The following COG6 variants were observed in gnomAD, a reference collection of about 807,000 sequenced individuals.
COG6 encodes the protein conserved oligomeric Golgi complex subunit 6.
Under a neutral mutation model 88.8 loss-of-function variants are expected in COG6, and 74 were observed. The ratio of observed to expected loss-of-function variants is 0.83; its 90% confidence interval spans 0.69 to 1.01. The LOEUF (loss-of-function observed/expected upper bound fraction) is 1.01, where lower values mean the gene tolerates loss of function less well. Among genes scored for constraint, COG6 ranks in the 50% least tolerant of loss-of-function variants. COG6 has a pLI of 0.00. For synonymous variants in COG6, 286 were observed against 278.7 expected (o/e 1.03, Z -0.26); for missense variants, 800 against 797.9 (o/e 1.00, Z -0.03).
intron 13 of COG6, among the ~76,000 whole-genome samples, chr13:39,700,022 G>A (rs572526172): frequency 7.4e-4 from 113 of 151,832 alleles, no homozygotes; most frequent in Middle Eastern, 3.4e-3. Flanking sequence ...CTTATGAAAT[G>A]TATGCTCCTC....
At chr13:39,658,902 A>G (rs1222327439) in intron 1 of COG6, among the ~76,000 whole-genome samples, 1 of 152,220 alleles carries the variant, frequency 6.6e-6, no homozygotes. Flanking sequence ...TGCACATTAT[A>G]TATGTGTCAA....
chr13:39,735,968 A>C (rs1879721692), intron 18 of COG6, among the ~76,000 whole-genome samples: 1 of 151,944 alleles, frequency 6.6e-6, no homozygotes, highest in South Asian at 2.1e-4. Flanking sequence ...TTGATTATTA[A>C]AGGTCTTGAG....
intron 8 of COG6, chr13:39,682,511 T>C (rs553372437): frequency 5.0e-6 from 2 of 396,992 alleles, no homozygotes; most frequent in African/African-American, 2.1e-5. Flanking sequence ...CTCTTACTTA[T>C]ATAGAGGTTC....
At chr13:39,784,063 A>G (rs895006380) in intron 18 of COG6, among the ~76,000 whole-genome samples, 3 of 152,170 alleles carry the variant, frequency 2.0e-5, no homozygotes, top group Non-Finnish European at 4.4e-5. Flanking sequence ...GGCCGGCTCC[A>G]TCTGGTCACA....
In COG6 at chr13:39,767,513, G is replaced by T. The variant is rs536000493; in HGVS notation, c.1827-20822G>T. Among the ~76,000 whole-genome samples the T allele has an allele frequency of 4.6e-5, 7 of 152,274 alleles. No homozygotes were observed. The East Asian group carries it at 1.4e-3, about 29-fold the overall frequency. On this transcript the variant is annotated intron_variant, in intron 18 of 18. Coordinates refer to the COG6 transcript ENST00000416691. ...TGATGATTTTCGGAGTGGAAGTGGAGGTGGCAATGGCAGGAAACATTGTAG... is the reference window on the plus strand; with the variant it reads ...TGATGATTTTCGGAGTGGAAGTGGATGTGGCAATGGCAGGAAACATTGTAG...
At chr13:39,674,983 G>A (rs140015734) in intron 4 of COG6, among the ~76,000 whole-genome samples, 43 of 151,886 alleles carry the variant, frequency 2.8e-4, no homozygotes, top group African/African-American at 1.0e-3. Flanking sequence ...ATACTTTCTC[G>A]CAACTTTTTA....
intron 18 of COG6, among the ~76,000 whole-genome samples, chr13:39,734,018 G>A (rs1013052140): frequency 2.0e-5 from 3 of 152,008 alleles, no homozygotes; most frequent in African/African-American, 7.2e-5. Context: ...CTGGTTCTTA[G>A]TCTAGCTAAA....
chr13:39,719,702 G>GT lies in COG6; in HGVS notation c.1460dup (p.Ser488IlefsTer9). 1 of 1,612,828 alleles carries GT rather than the reference G, an allele frequency of 6.2e-7. No individual in the cohort carries two copies. Among genetic ancestry groups the GT allele is most frequent in the Non-Finnish European group, 8.5e-7 (1 of 1,179,176 alleles). Reference sequence around the variant, plus strand: ...GGATCCTCTCCTACAGATGTGTACTGTATCAGCCAGCAATTTAGGCACAGC... The same window carrying GT: ...GGATCCTCTCCTACAGATGTGTACTGTTATCAGCCAGCAATTTAGGCACAGC... On this transcript the variant is annotated frameshift_variant, in exon 15 of 19. Transcript: ENST00000455146. LOFTEE classifies it high-confidence loss of function.
chr13:39,789,564 C>CACCTGCTCCACCCTGACTGATTCCGATT (rs56924181), exon 19 of COG6: 1 of 149,522 alleles, frequency 6.7e-6, no homozygotes, highest in Non-Finnish European at 1.5e-5. Flanking sequence ...TCATTCCCAT[C>CACCTGCTCCACCCTGACTGATTCCGATT]ACCTGCTCCA....
At position 39,788,473 on chromosome 13, in the gene COG6, G is replaced by A. The variant is rs75438578; in HGVS notation, c.*117G>A. ...TATAGAAATGTGGCCAGATGGCTTT[G>A]TCATCTTCCCCTGTCTACTCTGTGA... On this transcript the variant is annotated 3_prime_UTR_variant, in exon 19 of 19. Transcript: ENST00000416691. 5.8e-5 allele frequency: 54 copies of A among 935,242 alleles called. No homozygotes were observed. The East Asian group carries it at 1.2e-3, about 20-fold the overall frequency. The allele number at this position is 935,242 out of a possible 1,614,324, so 57.9% of individuals were successfully genotyped here.
At chr13:39,786,577 T>C (rs1235706226) in intron 18 of COG6, among the ~76,000 whole-genome samples, 1 of 152,176 alleles carries the variant, frequency 6.6e-6, no homozygotes, top group Non-Finnish European at 1.5e-5. Flanking sequence ...GAGAAAATGG[T>C]ACTCACTTAT....
At chr13:39,686,167 A>G (rs564993444) in intron 8 of COG6, among the ~76,000 whole-genome samples, 5 of 152,350 alleles carry the variant, frequency 3.3e-5, no homozygotes, top group African/African-American at 9.6e-5. Context: ...TTTTGTTTAT[A>G]TATAGGTTAT....
At chr13:39,694,150 G>A (rs1275381236) in intron 11 of COG6, among the ~76,000 whole-genome samples, 1 of 151,652 alleles carries the variant, frequency 6.6e-6, no homozygotes, top group Non-Finnish European at 1.5e-5. Context: ...CAAATATGTT[G>A]GTGCTAATTC....
chr13:39,717,114 A>G (rs1181805703), intron 13 of COG6, among the ~76,000 whole-genome samples: 1 of 152,132 alleles, frequency 6.6e-6, no homozygotes, highest in Admixed American at 6.6e-5. Context: ...CTTGGTTGAC[A>G]GTTTATTTCA....
chr13:39,767,499 G>A lies in COG6; in HGVS notation c.1827-20836G>A, dbSNP rs566935253. On this transcript the variant is annotated intron_variant, in intron 18 of 18. Coordinates refer to the COG6 transcript ENST00000416691. ...CTTACTGGGGGCATTGATGATTTTC[G>A]GAGTGGAAGTGGAGGTGGCAATGGC... is the stretch of plus-strand genomic sequence containing the variant. Among the ~76,000 whole-genome samples, 13 of 152,174 alleles carry A rather than the reference G, an allele frequency of 8.5e-5. No homozygotes were observed. In the South Asian group the frequency reaches 1.9e-3, roughly 22 times the overall value.
In COG6 at chr13:39,711,571, A is replaced by T. The variant is rs546934819; in HGVS notation, c.1285-7665A>T. Reference sequence around the variant, plus strand: ...TGTCCCTACTTTAGTTTCCTCATATATAAAATTTGATATTATTCCTTCCTC... The same window carrying T: ...TGTCCCTACTTTAGTTTCCTCATATTTAAAATTTGATATTATTCCTTCCTC... On this transcript the variant is annotated intron_variant, in intron 13 of 18. Coordinates refer to ENST00000455146, the MANE Select transcript of COG6 (RefSeq NM_020751.3). Among the ~76,000 whole-genome samples, 19 of 152,070 alleles carry T rather than the reference A, an allele frequency of 1.2e-4. No homozygotes were observed. The South Asian group carries it at 3.3e-3, about 27-fold the overall frequency.
chr13:39,666,387 G>C (rs1398746093), intron 4 of COG6, among the ~76,000 whole-genome samples: 1 of 152,054 alleles, frequency 6.6e-6, no homozygotes. Context: ...GGTGACAGAA[G>C]GAGATCCTGT....
intron 15 of COG6, among the ~76,000 whole-genome samples, chr13:39,723,122 T>G (rs564766115): frequency 6.6e-6 from 1 of 152,216 alleles, no homozygotes; most frequent in East Asian, 1.9e-4. Context: ...ATTTTGTGAC[T>G]GGAGGATAGT....
chr13:39,747,643 C>A (rs920911479), intron 18 of COG6, among the ~76,000 whole-genome samples: 2 of 152,098 alleles, frequency 1.3e-5, no homozygotes, highest in Admixed American at 1.3e-4. Flanking sequence ...TTAGTTTTAA[C>A]TGGCTTGATT....
Sources: gnomAD v4.1 joint callset for allele counts (sites outside exome capture counted in the v4.1 genomes callset) on GRCh38, gnomAD v4.1.1 for gene constraint, MANE v1.5 for transcripts, NCBI Gene and HGNC (gene_info 2026-07-23, HGNC 2026-07-21) for gene names.